The following LHFPL6 variants were observed in gnomAD, a reference collection of about 807,000 sequenced individuals.
The protein encoded by LHFPL6 is LHFPL tetraspan subfamily member 6.
Under a neutral mutation model 20.6 loss-of-function variants are expected in LHFPL6, and 9 were observed. The ratio of observed to expected loss-of-function variants is 0.44; its 90% CI spans 0.26 to 0.76. The LOEUF (loss-of-function observed/expected upper bound fraction) is 0.76, where lower values mean the gene tolerates loss of function less well. Ranked by LOEUF, LHFPL6 falls within the 30% of genes least tolerant of loss-of-function variation. The pLI, the probability that LHFPL6 is intolerant of heterozygous loss-of-function variation, is 0.20. For missense variants in LHFPL6, 218 were observed against 253.5 expected (o/e 0.86, Z 0.95); for synonymous variants, 105 against 98.7 (o/e 1.06, Z -0.38).
intron 2 of LHFPL6, among the ~76,000 whole-genome samples, chr13:39,383,643 T>C (rs899169473): frequency 1.3e-5 from 2 of 152,204 alleles, no homozygotes; most frequent in Non-Finnish European, 2.9e-5. Context: ...ATGGTGCTTG[T>C]TAAGAATCAA....
chr13:39,572,387 C>A (rs1399917153), intron 2 of LHFPL6, among the ~76,000 whole-genome samples: 1 of 151,294 alleles, frequency 6.6e-6, no homozygotes, highest in African/African-American at 2.4e-5. Flanking sequence ...TACACGTACA[C>A]AAATGCAGGG....
intron 2 of LHFPL6, among the ~76,000 whole-genome samples, chr13:39,456,420 C>T (rs1872571356): frequency 6.6e-6 from 1 of 152,170 alleles, no homozygotes; most frequent in African/African-American, 2.4e-5. Flanking sequence ...GTCAAGAGAT[C>T]AATGTATTTC....
chr13:39,595,362 G>A (rs544767289), intron 2 of LHFPL6, among the ~76,000 whole-genome samples: 7 of 152,070 alleles, frequency 4.6e-5, no homozygotes, highest in South Asian at 4.2e-4. Flanking sequence ...GCACAATCTC[G>A]GCTCACTGCA....
intron 2 of LHFPL6, among the ~76,000 whole-genome samples, chr13:39,488,852 T>A (rs1868813895): frequency 6.7e-6 from 1 of 148,706 alleles, no homozygotes; most frequent in South Asian, 2.2e-4. Flanking sequence ...TTGTTATCAA[T>A]ACATCAATAA....
intron 2 of LHFPL6, among the ~76,000 whole-genome samples, chr13:39,384,627 T>A (rs1172051456): frequency 6.6e-6 from 1 of 152,114 alleles, no homozygotes; most frequent in South Asian, 2.1e-4. Flanking sequence ...GCTCAGAAAA[T>A]TTTCTGGAAT....
intron 2 of LHFPL6, among the ~76,000 whole-genome samples, chr13:39,545,278 G>A (rs1303788970): frequency 6.7e-6 from 1 of 150,200 alleles, no homozygotes; most frequent in South Asian, 2.1e-4. Flanking sequence ...GTGACTAAGG[G>A]TAAGTGGTCA....
chr13:39,494,403 G>C (rs1176793366), intron 2 of LHFPL6, among the ~76,000 whole-genome samples: 1 of 152,146 alleles, frequency 6.6e-6, no homozygotes, highest in South Asian at 2.1e-4. Context: ...GAGATTGAAG[G>C]ATACAGAAGG....
At chr13:39,580,457 G>A (rs1238622631) in intron 2 of LHFPL6, among the ~76,000 whole-genome samples, 2 of 152,136 alleles carry the variant, frequency 1.3e-5, no homozygotes, top group African/African-American at 2.4e-5. Flanking sequence ...GCTAGCTAAG[G>A]AAATGCAGTG....
chr13:39,466,299 T>G (rs1169883685), intron 2 of LHFPL6, among the ~76,000 whole-genome samples: 1 of 152,186 alleles, frequency 6.6e-6, no homozygotes, highest in African/African-American at 2.4e-5. Context: ...TAAGGCACAA[T>G]GAGCCAAGAG....
At chr13:39,423,222 A>G (rs1401747493) in intron 2 of LHFPL6, among the ~76,000 whole-genome samples, 1 of 152,224 alleles carries the variant, frequency 6.6e-6, no homozygotes, top group Non-Finnish European at 1.5e-5. Flanking sequence ...GACATTACAC[A>G]AAGATTTACT....
intron 3 of LHFPL6, among the ~76,000 whole-genome samples, chr13:39,345,495 G>A (rs1486187625): frequency 2.1e-5 from 2 of 96,138 alleles, no homozygotes; most frequent in Non-Finnish European, 4.1e-5. Flanking sequence ...CCTGGGTCAG[G>A]GAGCGAGACT....
At chr13:39,416,504 G>C (rs79940249) in intron 2 of LHFPL6, among the ~76,000 whole-genome samples, 1 of 152,178 alleles carries the variant, frequency 6.6e-6, no homozygotes, top group Non-Finnish European at 1.5e-5. Flanking sequence ...AAAAGGTAGA[G>C]AATAAAATGC....
intron 2 of LHFPL6, among the ~76,000 whole-genome samples, chr13:39,545,906 GCAAA>G (rs1404054820): frequency 6.6e-6 from 1 of 151,990 alleles, no homozygotes; most frequent in East Asian, 1.9e-4. Context: ...CTGCTTCTCT[GCAAA>G]CAAACAAATG....
intron 2 of LHFPL6, among the ~76,000 whole-genome samples, chr13:39,396,811 C>G (rs993341068): frequency 6.6e-6 from 1 of 151,964 alleles, no homozygotes; most frequent in African/African-American, 2.4e-5. Flanking sequence ...GAAAAAAAGA[C>G]AGGAAGACAG....
intron 2 of LHFPL6, among the ~76,000 whole-genome samples, chr13:39,581,595 C>G (rs1387450745): frequency 1.9e-5 from 1 of 51,844 alleles, no homozygotes; most frequent in East Asian, 1.1e-3. Context: ...ATCTCTCTCT[C>G]TCTTTTTTTT....
chr13:39,472,425 G>A (rs540103678), intron 2 of LHFPL6, among the ~76,000 whole-genome samples: 70 of 152,014 alleles, frequency 4.6e-4, no homozygotes, highest in Admixed American at 9.8e-4. Context: ...GTGAATCTGC[G>A]TCCTTTCTCA....
At chr13:39,448,317 A>T (rs1037380367) in intron 2 of LHFPL6, among the ~76,000 whole-genome samples, 2 of 152,192 alleles carry the variant, frequency 1.3e-5, no homozygotes, top group Non-Finnish European at 2.9e-5. Flanking sequence ...AAACAAATAC[A>T]TTATGGAACA....
At chr13:39,426,171 T>C (rs1871630577) in intron 2 of LHFPL6, among the ~76,000 whole-genome samples, 2 of 152,102 alleles carry the variant, frequency 1.3e-5, no homozygotes, top group Admixed American at 6.5e-5. Context: ...TATTCTCCAT[T>C]CCCTCCAGCT....
intron 2 of LHFPL6, among the ~76,000 whole-genome samples, chr13:39,511,291 G>T (rs1869697148): frequency 6.6e-6 from 1 of 152,014 alleles, no homozygotes; most frequent in African/African-American, 2.4e-5. Flanking sequence ...TGTCAAATTT[G>T]TTTATTTCTT....
Sources: gnomAD v4.1 joint callset for allele counts (sites outside exome capture counted in the v4.1 genomes callset) on GRCh38, gnomAD v4.1.1 for gene constraint, MANE v1.5 for transcripts, NCBI Gene and HGNC (gene_info 2026-07-23, HGNC 2026-07-21) for gene names.